Variants in AIG1 observed in about 807,000 individuals in gnomAD.
The protein encoded by AIG1 is androgen-induced gene 1 protein.
In AIG1, 23 loss-of-function variants were observed where a neutral mutation model predicts 31.4. The observed-to-expected ratio is 0.73, with a 90% confidence interval of 0.53 to 1.04. The LOEUF (loss-of-function observed/expected upper bound fraction) is 1.04, where lower values mean the gene tolerates loss of function less well. Ranked by LOEUF, AIG1 falls within the 50% of genes least tolerant of loss-of-function variation. AIG1 has a pLI of 0.00. For missense variants in AIG1, 274 were observed against 295.0 expected (o/e 0.93, Z 0.52); for synonymous variants, 100 against 110.5 (o/e 0.90, Z 0.60).
intron 4 of AIG1, among the ~76,000 whole-genome samples, chr6:143,322,972 A>G (rs969222413): frequency 6.6e-6 from 1 of 152,200 alleles, no homozygotes; most frequent in Admixed American, 6.5e-5. Flanking sequence ...AATCTAACAT[A>G]AATTGACTAT....
intron 5 of AIG1, among the ~76,000 whole-genome samples, chr6:143,337,483 G>C (rs905107057): frequency 3.9e-5 from 6 of 152,078 alleles, no homozygotes; most frequent in Non-Finnish European, 8.8e-5. Flanking sequence ...GCAGTTTGGC[G>C]GGGTGGAGCG....
intron 3 of AIG1, among the ~76,000 whole-genome samples, chr6:143,190,926 T>C (rs993875130): frequency 6.6e-6 from 1 of 152,204 alleles, no homozygotes; most frequent in African/African-American, 2.4e-5. Context: ...GGCTCGGGTC[T>C]CATACTCAGA....
At chr6:143,115,739 C>T (rs1022308090) in intron 1 of AIG1, among the ~76,000 whole-genome samples, 3 of 152,214 alleles carry the variant, frequency 2.0e-5, no homozygotes, top group South Asian at 2.1e-4. Context: ...TGTAGTTGAT[C>T]ACAGGCTTAT....
chr6:143,168,253 T>A (rs1787152241), intron 3 of AIG1, among the ~76,000 whole-genome samples: 1 of 152,166 alleles, frequency 6.6e-6, no homozygotes, highest in Non-Finnish European at 1.5e-5. Context: ...CAAATTTCTT[T>A]TTTTTTAATT....
intron 2 of AIG1, among the ~76,000 whole-genome samples, chr6:143,141,821 T>C (rs1784268656): frequency 6.6e-6 from 1 of 152,062 alleles, no homozygotes; most frequent in Non-Finnish European, 1.5e-5. Context: ...CTCCTGTGAG[T>C]TTGTTGACTT....
At chr6:143,251,540 G>C (rs1182403628) in intron 3 of AIG1, among the ~76,000 whole-genome samples, 1 of 152,008 alleles carries the variant, frequency 6.6e-6, no homozygotes, top group Non-Finnish European at 1.5e-5. Context: ...GTAACACCTT[G>C]ACCAAGCCTT....
intron 3 of AIG1, among the ~76,000 whole-genome samples, chr6:143,247,526 C>T (rs975430602): frequency 6.6e-6 from 1 of 152,240 alleles, no homozygotes; most frequent in Admixed American, 6.5e-5. Context: ...GTTAGACTGT[C>T]TGGTGGCTAA....
Position 143,192,652 on chromosome 6 carries a change from A to G in AIG1, c.399+27469A>G, listed in dbSNP as rs17591064. 3.4e-3 allele frequency among the ~76,000 whole-genome samples: 521 copies of G among 152,252 alleles called. 8 individuals are homozygous for G. The East Asian group carries it at 0.063, about 19-fold the overall frequency. ...TATTTTTTTCCTGTAACCAGTATCA[A>G]TGGAGCACATATTATGGCTAGTGCT... On this transcript the variant is annotated intron_variant, in intron 3 of 5. Transcript: ENST00000357847.
At chr6:143,106,925 A>G (rs1246039286) in intron 1 of AIG1, among the ~76,000 whole-genome samples, 1 of 152,178 alleles carries the variant, frequency 6.6e-6, no homozygotes, top group Non-Finnish European at 1.5e-5. Flanking sequence ...CCTCTTTTAT[A>G]AGGACACTAA....
intron 3 of AIG1, among the ~76,000 whole-genome samples, chr6:143,252,266 T>C (rs1562527179): frequency 1.3e-5 from 2 of 152,156 alleles, no homozygotes; most frequent in Admixed American, 1.3e-4. Flanking sequence ...ATTACAGATG[T>C]GTGCCACCAC....
chr6:143,266,487 G>A (rs377072187), intron 3 of AIG1, among the ~76,000 whole-genome samples: 1 of 152,212 alleles, frequency 6.6e-6, no homozygotes, highest in East Asian at 1.9e-4. Flanking sequence ...TAGACCCTAA[G>A]TGTTAACACA....
At chr6:143,237,025 A>C (rs894935313) in intron 3 of AIG1, among the ~76,000 whole-genome samples, 5 of 152,196 alleles carry the variant, frequency 3.3e-5, no homozygotes, top group African/African-American at 9.7e-5. Context: ...CAGACAAGTT[A>C]AATAACTTAC....
intron 2 of AIG1, among the ~76,000 whole-genome samples, chr6:143,151,314 C>G (rs1785203048): frequency 6.6e-6 from 1 of 152,102 alleles, no homozygotes; most frequent in African/African-American, 2.4e-5. Flanking sequence ...TAGAGACATT[C>G]ATGTTCTAAA....
At position 143,144,967 on chromosome 6, in the gene AIG1, C is replaced by T. The variant is rs117875133; in HGVS notation, c.297+7977C>T. Among the ~76,000 whole-genome samples the T allele has an allele frequency of 3.0e-4, 45 of 152,282 alleles. No individual in the cohort carries two copies. In the East Asian group the frequency reaches 5.2e-3, roughly 18 times the overall value. ...TAAGTAATAAAGATATTTAATATCT[C>T]ACAAGACGTGGAGCTTGTTGACAGG... is the stretch of plus-strand genomic sequence containing the variant. On this transcript the variant is annotated intron_variant, in intron 2 of 5. Coordinates refer to ENST00000357847, the MANE Select transcript of AIG1 (RefSeq NM_016108.4).
At chr6:143,236,855 C>A (rs1428970869) in intron 3 of AIG1, among the ~76,000 whole-genome samples, 1 of 152,068 alleles carries the variant, frequency 6.6e-6, no homozygotes, top group Non-Finnish European at 1.5e-5. Context: ...ATTTTTTTCA[C>A]CAAAAAAATA....
intron 3 of AIG1, among the ~76,000 whole-genome samples, chr6:143,203,934 A>G (rs1790903389): frequency 6.6e-6 from 1 of 152,208 alleles, no homozygotes; most frequent in South Asian, 2.1e-4. Flanking sequence ...GAGAAAATAA[A>G]AACAGTAGGT....
At chr6:143,121,279 T>G (rs892408215) in intron 1 of AIG1, among the ~76,000 whole-genome samples, 1 of 152,178 alleles carries the variant, frequency 6.6e-6, no homozygotes, top group African/African-American at 2.4e-5. Context: ...CTCAGCAGAG[T>G]TGCTCTTGTT....
intron 3 of AIG1, among the ~76,000 whole-genome samples, chr6:143,265,405 T>A (rs1450238002): frequency 6.6e-6 from 1 of 152,234 alleles, no homozygotes; most frequent in African/African-American, 2.4e-5. Flanking sequence ...GAACTCTGTT[T>A]TATGCATTGC....
At chr6:143,213,508 CTTTTTTTTTTTTT>C (rs746350692) in intron 3 of AIG1, among the ~76,000 whole-genome samples, 2 of 61,200 alleles carry the variant, frequency 3.3e-5, no homozygotes, top group Admixed American at 1.8e-4. Context: ...TTTCTTTCTT[CTTTTTTTTTTTTT>C]TTTTTTTTTT....
Sources: allele counts gnomAD v4.1 joint callset (sites outside exome capture counted in the v4.1 genomes callset), GRCh38; gene constraint gnomAD v4.1.1; transcripts MANE v1.5; gene names NCBI Gene and HGNC (gene_info 2026-07-23, HGNC 2026-07-21).